The following DLG2 variants were observed in gnomAD, a reference collection of about 807,000 sequenced individuals.
The protein encoded by DLG2 is disks large homolog 2.
In DLG2, 45 loss-of-function variants were observed where a neutral mutation model predicts 132.5. That is an observed-to-expected ratio of 0.34 (90% CI 0.27 to 0.44). The LOEUF (loss-of-function observed/expected upper bound fraction) is 0.44. DLG2 is among the 20% of genes least tolerant of loss of function. The pLI is 1.00. For synonymous variants in DLG2, 424 were observed against 419.6 expected (o/e 1.01, Z -0.13); for missense variants, 1,045 against 1,196.9 (o/e 0.87, Z 1.87).
chr11:83,824,891 T>G (rs2052046076), intron 17 of DLG2, among the ~76,000 whole-genome samples: 1 of 152,048 alleles, frequency 6.6e-6, no homozygotes, highest in Non-Finnish European at 1.5e-5. Flanking sequence ...TGTACTATTT[T>G]CACTGCACCT....
At chr11:84,390,492 C>A (rs992331700) in intron 7 of DLG2, among the ~76,000 whole-genome samples, 2 of 152,132 alleles carry the variant, frequency 1.3e-5, no homozygotes, top group African/African-American at 4.8e-5. Context: ...AAACTGTTGG[C>A]AACCTTTAAA....
chr11:85,018,109 A>C (rs539078009), intron 6 of DLG2, among the ~76,000 whole-genome samples: 1 of 152,310 alleles, frequency 6.6e-6, no homozygotes, highest in African/African-American at 2.4e-5. Context: ...TAGAAATTAA[A>C]TGTAGAAACC....
intron 6 of DLG2, among the ~76,000 whole-genome samples, chr11:85,061,538 C>A (rs2064134365): frequency 6.6e-6 from 1 of 151,548 alleles, no homozygotes; most frequent in African/African-American, 2.4e-5. Context: ...TCAGTCAAGG[C>A]TCAAAAAAAT....
chr11:85,581,297 C>A (rs956237733), intron 3 of DLG2, among the ~76,000 whole-genome samples: 1 of 152,052 alleles, frequency 6.6e-6, no homozygotes, highest in Non-Finnish European at 1.5e-5. Context: ...TGTAATAGAT[C>A]TTTCACTTAA....
At chr11:85,068,690 T>C (rs2065303339) in intron 6 of DLG2, among the ~76,000 whole-genome samples, 1 of 152,088 alleles carries the variant, frequency 6.6e-6, no homozygotes, top group Admixed American at 6.6e-5. Context: ...TGCTCATGGG[T>C]AGGAAGAATC....
Position 84,535,733 on chromosome 11 carries a change from T to C in DLG2, c.358-1002A>G, listed in dbSNP as rs117108250. ...GTTCCATTGTTCAAGGCTGTTGTCC[T>C]ACCTGGGAAAGAAGAAAGGGAACCC... is the stretch of plus-strand genomic sequence containing the variant. On this transcript the variant is annotated intron_variant, in intron 6 of 27. Transcript: ENST00000376104. Among the ~76,000 whole-genome samples the C allele has an allele frequency of 6.6e-3, 1,000 of 152,266 alleles. 2 individuals carry two copies. Among genetic ancestry groups the C allele is most frequent in the Non-Finnish European group, 1.0e-2 (678 of 68,026 alleles).
chr11:84,251,294 G>A lies in DLG2; in HGVS notation c.520-3C>T. The A allele has an allele frequency of 6.4e-7, 1 of 1,570,654 alleles. No homozygotes were observed. The highest frequency in any genetic ancestry group is 8.6e-7 in the Non-Finnish European group (1 of 1,162,858). Reference sequence around the variant, plus strand: ...ACAATTATAGGAGCAGGACTGGCCTGAAAAAAGAAATAGAAAAAAAATTAA... The same window carrying A: ...ACAATTATAGGAGCAGGACTGGCCTAAAAAAAGAAATAGAAAAAAAATTAA... On this transcript the variant is annotated splice_region_variant and splice_polypyrimidine_tract_variant and intron_variant, in intron 7 of 27. Coordinates refer to ENST00000376104, the MANE Select transcript of DLG2 (RefSeq NM_001142699.3).
intron 6 of DLG2, among the ~76,000 whole-genome samples, chr11:84,971,619 T>C (rs947690667): frequency 1.3e-5 from 2 of 152,166 alleles, no homozygotes; most frequent in African/African-American, 4.8e-5. Flanking sequence ...TATTTGCAGA[T>C]AGAGAGAAAT....
At chr11:84,575,787 G>T (rs901443221) in intron 6 of DLG2, among the ~76,000 whole-genome samples, 3 of 152,026 alleles carry the variant, frequency 2.0e-5, no homozygotes, top group Non-Finnish European at 2.9e-5. Flanking sequence ...CAGTGTTTAT[G>T]TGCCTCTTTC....
chr11:85,574,292 T>C (rs971839743), intron 3 of DLG2, among the ~76,000 whole-genome samples: 8 of 152,172 alleles, frequency 5.3e-5, no homozygotes, highest in Admixed American at 1.3e-4. Context: ...GATATCTCCC[T>C]GGTACCCCAA....
intron 19 of DLG2, among the ~76,000 whole-genome samples, chr11:83,623,524 G>A (rs1232924248): frequency 6.6e-6 from 1 of 152,186 alleles, no homozygotes; most frequent in African/African-American, 2.4e-5. Context: ...GGGAGCAGGT[G>A]AGTCAACAGA....
At chr11:85,464,484 C>T (rs1219445543) in intron 3 of DLG2, among the ~76,000 whole-genome samples, 1 of 152,070 alleles carries the variant, frequency 6.6e-6, no homozygotes, top group African/African-American at 2.4e-5. Flanking sequence ...CTTAGTCCAC[C>T]TCTGGGTGGA....
chr11:84,266,374 C>T (rs943445330), intron 7 of DLG2, among the ~76,000 whole-genome samples: 2 of 152,178 alleles, frequency 1.3e-5, no homozygotes, highest in African/African-American at 4.8e-5. Context: ...TTATCCAGGT[C>T]GCTTCTGGTG....
intron 18 of DLG2, among the ~76,000 whole-genome samples, chr11:83,633,921 C>G (rs1230732038): frequency 6.6e-6 from 1 of 150,896 alleles, no homozygotes; most frequent in Non-Finnish European, 1.5e-5. Flanking sequence ...GCATGTGAAT[C>G]TATAATTACC....
intron 10 of DLG2, among the ~76,000 whole-genome samples, chr11:84,098,067 G>C (rs1277328597): frequency 1.7e-5 from 1 of 58,506 alleles, no homozygotes; most frequent in Non-Finnish European, 3.4e-5. Context: ...TTTGCTTTTT[G>C]AGACATGGAC....
intron 4 of DLG2, among the ~76,000 whole-genome samples, chr11:85,178,390 C>T (rs2079464257): frequency 6.6e-6 from 1 of 151,846 alleles, no homozygotes; most frequent in Non-Finnish European, 1.5e-5. Flanking sequence ...TTATTTTTTA[C>T]TATTTTTGTA....
chr11:83,916,105 T>C (rs772593263), intron 15 of DLG2, among the ~76,000 whole-genome samples: 10 of 152,288 alleles, frequency 6.6e-5, no homozygotes, highest in East Asian at 5.8e-4. Context: ...AATATTCCAT[T>C]GAATTATAAA....
intron 18 of DLG2, among the ~76,000 whole-genome samples, chr11:83,776,228 T>G (rs1020455443): frequency 6.6e-5 from 10 of 152,250 alleles, no homozygotes; most frequent in African/African-American, 2.4e-4. Flanking sequence ...TATGTATTCA[T>G]AGGTCCATAT....
At chr11:85,255,262 C>T (rs888498664) in intron 4 of DLG2, among the ~76,000 whole-genome samples, 1 of 152,086 alleles carries the variant, frequency 6.6e-6, no homozygotes, top group East Asian at 1.9e-4. Context: ...TAATAAGCAA[C>T]TTAAGTTTAT....
Sources: gnomAD v4.1 joint callset for allele counts (sites outside exome capture counted in the v4.1 genomes callset) on GRCh38, gnomAD v4.1.1 for gene constraint, MANE v1.5 for transcripts, NCBI Gene and HGNC (gene_info 2026-07-23, HGNC 2026-07-21) for gene names.